The following ZMAT5 variants were observed in gnomAD, a reference collection of about 807,000 sequenced individuals.
The protein encoded by ZMAT5 is zinc finger matrin-type protein 5.
Under a neutral mutation model 28.0 loss-of-function variants are expected in ZMAT5, and 23 were observed. The observed-to-expected ratio is 0.82, with a 90% CI of 0.59 to 1.16. ZMAT5 has a LOEUF of 1.16. ZMAT5 is among the 50% of genes most tolerant of loss of function. The pLI is 0.00. For synonymous variants in ZMAT5, 76 were observed against 84.1 expected (o/e 0.90, Z 0.52); for missense variants, 173 against 212.7 (o/e 0.81, Z 1.16).
chr22:29,760,375 C>CAAAA (rs131280), intron 1 of ZMAT5, among the ~76,000 whole-genome samples: 23 of 98,464 alleles, frequency 2.3e-4, no homozygotes, highest in African/African-American at 7.4e-4. Context: ...TCCTCTGTCT[C>CAAAA]AAAAAAAAAA....
At chr22:29,743,747 C>T (rs1674565461) in intron 2 of ZMAT5, among the ~76,000 whole-genome samples, 1 of 152,186 alleles carries the variant, frequency 6.6e-6, no homozygotes, top group Non-Finnish European at 1.5e-5. Context: ...TTACTTTCAT[C>T]ATATAGGTAT....
Position 29,731,066 on chromosome 22 carries a change from A to G in ZMAT5, c.*159T>C. On this transcript the variant is annotated 3_prime_UTR_variant, in exon 6 of 6. Transcript: ENST00000344318. ...GGGGAGAGCTGCCCGGTGCAGACCC[A>G]GGACGAGGGCTGCACTTGGTGTGGC... 1.4e-6 allele frequency: 1 copy of G among 706,544 alleles called. No homozygotes were observed. Among genetic ancestry groups the G allele is most frequent in the Non-Finnish European group, 2.1e-6 (1 of 467,864 alleles). The allele number at this position is 706,544 out of a possible 1,614,324, so 43.8% of individuals were successfully genotyped here.
chr22:29,736,285 G>A (rs1431633791), intron 5 of ZMAT5, among the ~76,000 whole-genome samples: 1 of 152,230 alleles, frequency 6.6e-6, no homozygotes, highest in Non-Finnish European at 1.5e-5. Flanking sequence ...CCTTTAGACG[G>A]GACCCTTCAG....
intron 1 of ZMAT5, among the ~76,000 whole-genome samples, chr22:29,761,587 T>C (rs1156285692): frequency 6.6e-6 from 1 of 152,086 alleles, no homozygotes; most frequent in Non-Finnish European, 1.5e-5. Context: ...AGTGAGACAC[T>C]GTCTCAGAAC....
intron 1 of ZMAT5, among the ~76,000 whole-genome samples, chr22:29,760,672 A>G (rs1601731410): frequency 6.6e-6 from 1 of 152,180 alleles, no homozygotes; most frequent in East Asian, 1.9e-4. Context: ...GGAGGAATGA[A>G]CTTTCCCTTG....
At chr22:29,740,620 C>T (rs1349094568) in intron 4 of ZMAT5, 30 bp downstream of exon 4, 1 of 1,571,056 alleles carries the variant, frequency 6.4e-7, no homozygotes, top group African/African-American at 1.3e-5. Context: ...CACCCCACTC[C>T]CGCTTAGCCC....
At chr22:29,736,126 G>A (rs537725650) in intron 5 of ZMAT5, among the ~76,000 whole-genome samples, 7 of 152,228 alleles carry the variant, frequency 4.6e-5, no homozygotes, top group Admixed American at 1.3e-4. Context: ...TCCAAGTAGC[G>A]GTGCAGGGGC....
intron 3 of ZMAT5, among the ~76,000 whole-genome samples, chr22:29,741,287 C>T (rs555351364): frequency 1.3e-5 from 2 of 152,290 alleles, no homozygotes; most frequent in East Asian, 3.9e-4. Context: ...TACTGGGAGG[C>T]TGGAGGTGTC....
At chr22:29,755,369 G>GGAGGGAGGGAGGGAGGGGGAA (rs2068091742) in intron 1 of ZMAT5, among the ~76,000 whole-genome samples, 1 of 18,062 alleles carries the variant, frequency 5.5e-5, no homozygotes, top group East Asian at 2.1e-3. Flanking sequence ...GAGGGAGGGG[G>GGAGGGAGGGAGGGAGGGGGAA]AGAGAGAGAG....
chr22:29,734,875 G>A (rs1485261955), intron 5 of ZMAT5, among the ~76,000 whole-genome samples: 2 of 152,176 alleles, frequency 1.3e-5, no homozygotes. Context: ...GCGGCCAGAG[G>A]TGGAGGATGT....
intron 1 of ZMAT5, among the ~76,000 whole-genome samples, chr22:29,748,837 G>A (rs1347529097): frequency 6.6e-6 from 1 of 152,160 alleles, no homozygotes; most frequent in East Asian, 1.9e-4. Flanking sequence ...TTCTTGAGAG[G>A]GTGTTGCTCT....
At chr22:29,734,235 G>A (rs536013656) in intron 5 of ZMAT5, among the ~76,000 whole-genome samples, 22 of 152,344 alleles carry the variant, frequency 1.4e-4, no homozygotes, top group African/African-American at 4.6e-4. Context: ...GTCAGTCTGC[G>A]GAGGGGGATA....
intron 3 of ZMAT5, 40 bp from the exon 4 acceptor site, chr22:29,740,770 G>A (rs2067955339): frequency 9.7e-6 from 15 of 1,554,332 alleles, no homozygotes; most frequent in Non-Finnish European, 1.3e-5. Context: ...CTCGGGAGGG[G>A]CTCCCCACAG....
intron 1 of ZMAT5, among the ~76,000 whole-genome samples, chr22:29,765,569 C>A (rs2068200774): frequency 6.6e-6 from 1 of 152,028 alleles, no homozygotes; most frequent in Non-Finnish European, 1.5e-5. Flanking sequence ...CACACCCTAA[C>A]CTAAATTACC....
chr22:29,764,773 G>A (rs1041551631), intron 1 of ZMAT5, among the ~76,000 whole-genome samples: 11 of 152,268 alleles, frequency 7.2e-5, no homozygotes, highest in African/African-American at 1.9e-4. Context: ...AAAGTGTGGG[G>A]ATTACAGGTG....
intron 2 of ZMAT5, chr22:29,748,054 C>T (rs1262266773): frequency 2.8e-6 from 1 of 353,842 alleles, no homozygotes; most frequent in African/African-American, 2.1e-5. Flanking sequence ...CTGGCCTGCT[C>T]CGCCCAGCCA....
Position 29,731,075 on chromosome 22 carries a change from G to T in ZMAT5, c.*150C>A. On this transcript the variant is annotated 3_prime_UTR_variant, in exon 6 of 6. Coordinates refer to ENST00000344318, the MANE Select transcript of ZMAT5 (RefSeq NM_001003692.2). ...TGCCCGGTGCAGACCCAGGACGAGGGCTGCACTTGGTGTGGCCGTGTCCTG... is the reference window on the plus strand; with the variant it reads ...TGCCCGGTGCAGACCCAGGACGAGGTCTGCACTTGGTGTGGCCGTGTCCTG... 1.3e-6 allele frequency: 1 copy of T among 778,500 alleles called. No individual in the cohort carries two copies. The highest frequency in any genetic ancestry group is 1.9e-6 in the Non-Finnish European group (1 of 529,256). 48.2% of individuals were successfully genotyped at this position (778,500 alleles called of 1,614,324 possible). A position where few individuals can be genotyped will look rare whatever the true frequency, so the allele number is the denominator to read the frequency against.
chr22:29,756,289 G>A (rs540363320), intron 1 of ZMAT5, among the ~76,000 whole-genome samples: 2 of 152,330 alleles, frequency 1.3e-5, no homozygotes, highest in South Asian at 4.1e-4. Flanking sequence ...TGGAGTTGAT[G>A]GCATCAGAAC....
chr22:29,765,901 C>T (rs1201888420), intron 1 of ZMAT5, among the ~76,000 whole-genome samples: 1 of 152,158 alleles, frequency 6.6e-6, no homozygotes, highest in African/African-American at 2.4e-5. Context: ...CTCAAATGAT[C>T]TACTACAATA....
Sources: allele counts gnomAD v4.1 joint callset (sites outside exome capture counted in the v4.1 genomes callset), GRCh38; gene constraint gnomAD v4.1.1; transcripts MANE v1.5; gene names NCBI Gene and HGNC (gene_info 2026-07-23, HGNC 2026-07-21).